Variants in EXOC3 observed in about 807,000 individuals in gnomAD.
The protein encoded by EXOC3 is exocyst complex component 3.
A neutral mutation model predicts 73.7 loss-of-function variants in EXOC3; 21 were observed. The observed-to-expected ratio is 0.29, with a 90% confidence interval of 0.20 to 0.41. The LOEUF (loss-of-function observed/expected upper bound fraction) is 0.41. EXOC3 is among the 10% of genes least tolerant of loss of function. The pLI, the probability that EXOC3 is intolerant of heterozygous loss-of-function variation, is 1.00. For synonymous variants in EXOC3, 410 were observed against 389.1 expected (o/e 1.05, Z -0.63); for missense variants, 842 against 985.1 (o/e 0.85, Z 1.95).
At position 465,724 on chromosome 5, in the gene EXOC3, G is replaced by A. The variant is rs934261359; in HGVS notation, c.1945G>A (p.Gly649Arg). ...FLFRKLASGF[G>R]EDVDGYCDTI... ...CATTGCTGCTGCCTTCCAGGGTTTC[G>A]GGGAAGACGTGGACGGATACTGCGA... is the stretch of plus-strand genomic sequence containing the variant. The change falls in exon 12 of 13, where the codon GGG (glycine) becomes AGG (arginine). Residue 649 changes from glycine (G) to arginine (R), a missense_variant. Physicochemically the swap from Gly to Arg is moderately radical, Grantham distance 125. Transcript: ENST00000512944. 43 of 1,613,694 alleles carry A rather than the reference G, an allele frequency of 2.7e-5. No homozygotes were observed. The highest frequency in any genetic ancestry group is 6.6e-5 in the South Asian group (6 of 91,070).
At chr5:463,886 A>G (rs1738058297) in intron 9 of EXOC3, among the ~76,000 whole-genome samples, 1 of 152,280 alleles carries the variant, frequency 6.6e-6, no homozygotes, top group Non-Finnish European at 1.5e-5. Context: ...GTATACATGC[A>G]CAGATATTTC....
intron 4 of EXOC3, among the ~76,000 whole-genome samples, chr5:455,673 G>A (rs887013541): frequency 6.6e-6 from 1 of 152,072 alleles, no homozygotes; most frequent in Non-Finnish European, 1.5e-5. Flanking sequence ...TTTAATTTTT[G>A]TGGGTACATA....
chr5:466,428 G>A (rs996382233), intron 12 of EXOC3: 5 of 370,136 alleles, frequency 1.4e-5, no homozygotes, highest in East Asian at 8.9e-5. Flanking sequence ...CCATCATCTC[G>A]CTGGTTAAAC....
At chr5:466,626 CT>C (rs1167988551) in intron 12 of EXOC3, 100 bp from the exon 13 acceptor site, 1 of 1,212,856 alleles carries the variant, frequency 8.2e-7, no homozygotes, top group Non-Finnish European at 1.1e-6. Flanking sequence ...TCCTCACCCC[CT>C]GTGTTCTGTC....
chr5:460,534 C>T (rs1163390275), intron 7 of EXOC3, among the ~76,000 whole-genome samples: 1 of 152,182 alleles, frequency 6.6e-6, no homozygotes, highest in African/African-American at 2.4e-5. Flanking sequence ...CCCCACTGGC[C>T]GCCCATCCAC....
intron 10 of EXOC3, chr5:464,782 C>T (rs934262855): frequency 1.6e-5 from 7 of 442,770 alleles, no homozygotes; most frequent in Non-Finnish European, 2.5e-5. Context: ...CCGCGTTTTC[C>T]AGATGCTGCG....
Position 462,258 on chromosome 5 carries a change from C to G in EXOC3, c.1604C>G (p.Ala535Gly). The G allele has an allele frequency of 1.2e-6, 2 of 1,613,958 alleles. No homozygotes were observed. Among genetic ancestry groups the G allele is most frequent in the Non-Finnish European group, 1.7e-6 (2 of 1,179,894 alleles). Residue 535 changes from alanine (A) to glycine (G), a missense_variant, in exon 9 of 13, where the codon GCG (alanine) becomes GGG (glycine). Transcript: ENST00000512944. The part of the protein sequence containing the change: ...PSMDGILDAI[A>G]KEGCSGLLEE... ...ATGGACGGGATTTTAGACGCCATCG[C>G]GAAGGAGGGCTGCAGCGGTTTGCTG...
chr5:451,705 G>A (rs550491721), intron 3 of EXOC3, among the ~76,000 whole-genome samples: 12 of 152,304 alleles, frequency 7.9e-5, no homozygotes, highest in African/African-American at 2.6e-4. Context: ...TTCTCAACCA[G>A]TGGGACTCTA....
At position 446,302 on chromosome 5, in the gene EXOC3, C is replaced by T. The variant is rs555469211; in HGVS notation, c.97C>T (p.Arg33Cys). The T allele has an allele frequency of 3.7e-6, 6 of 1,613,734 alleles. No individual in the cohort carries two copies. Among genetic ancestry groups the T allele is most frequent in the African/African-American group, 2.7e-5 (2 of 75,034 alleles). ...PDQLDKVEQY[R>C]RREARKKASV... ...CCAGCTGGACAAGGTGGAGCAGTAT[C>T]GCAGGAGAGAAGCGCGGAAGAAGGC... The change falls in exon 2 of 13, where the codon CGC becomes TGC. Residue 33 changes from arginine to cysteine, a missense_variant. Coordinates refer to ENST00000512944, the MANE Select transcript of EXOC3 (RefSeq NM_007277.5).
rs543809935 is a variant in EXOC3 at position 452,781 on chromosome 5, C to T, written c.365-589C>T. Reference sequence around the variant, plus strand: ...ATGCCTTTGCCTGGGCATGCATTGGCCACTTCCGAATTTTTCCTATAAATG... The same window carrying T: ...ATGCCTTTGCCTGGGCATGCATTGGTCACTTCCGAATTTTTCCTATAAATG... On this transcript the variant is annotated intron_variant, in intron 3 of 12. Transcript: ENST00000512944. Among the ~76,000 whole-genome samples, 7 of 152,350 alleles carry T rather than the reference C, an allele frequency of 4.6e-5. No individual in the cohort carries two copies. In the South Asian group the frequency reaches 1.5e-3, roughly 32 times the overall value.
In EXOC3 at chr5:450,074, C is replaced by T. The variant is rs1425365169; in HGVS notation, c.364+2322C>T. 5.9e-5 allele frequency among the ~76,000 whole-genome samples: 9 copies of T among 152,192 alleles called. No individual in the cohort carries two copies. In the East Asian group the frequency reaches 1.4e-3, roughly 23 times the overall value. On this transcript the variant is annotated intron_variant, in intron 3 of 12. Coordinates refer to ENST00000512944, the MANE Select transcript of EXOC3 (RefSeq NM_007277.5). ...CAGCCCGGCCAACATGGTGAAACCC[C>T]GTCTCTACTAAAAATATAAAAATTA...
Position 464,885 on chromosome 5 carries a change from C to T in EXOC3, c.1777-226C>T. ...CACTGCCTCGCCCGCGTCTGTCCTGCTGGGGGCCGGAGCTGGCCTGGTGCG... is the reference window on the plus strand; with the variant it reads ...CACTGCCTCGCCCGCGTCTGTCCTGTTGGGGGCCGGAGCTGGCCTGGTGCG... On this transcript the variant is annotated intron_variant, in intron 10 of 12. Transcript: ENST00000512944. The T allele has an allele frequency of 1.2e-5, 7 of 582,928 alleles. No homozygotes were observed. The South Asian group carries it at 1.5e-4, about 12-fold the overall frequency. The allele number at this position is 582,928 out of a possible 1,614,324, so 36.1% of individuals were successfully genotyped here.
At chr5:447,325 T>TTAAA in intron 2 of EXOC3, 1 of 551,322 alleles carries the variant, frequency 1.8e-6, no homozygotes, top group South Asian at 2.3e-5. Context: ...AATGCATCAT[T>TTAAA]GTTCTGTTCC....
rs1737869867 is a variant in EXOC3 at position 457,962 on chromosome 5, G to A, written c.1227G>A (p.Glu409=). The A allele has an allele frequency of 6.2e-7, 1 of 1,612,346 alleles. No individual in the cohort carries two copies. Among genetic ancestry groups the A allele is most frequent in the African/African-American group, 1.3e-5 (1 of 74,894 alleles). The change falls in exon 6 of 13, where the codon GAG becomes GAA. Residue 409 remains glutamate, a synonymous_variant. Coordinates refer to ENST00000512944, the MANE Select transcript of EXOC3 (RefSeq NM_007277.5). ...LETDKKDWVK[E]TEPEADQDGY... ...CAGACAAGAAAGACTGGGTCAAAGA[G>A]ACAGAGCCAGAAGCCGACCAGGACG... is the stretch of plus-strand genomic sequence containing the variant.
In EXOC3 at chr5:453,626, C is replaced by T. The variant is rs3822755; in HGVS notation, c.621C>T (p.Thr207=). ...TGGTCACTGTCCGCCGTGACCCCACCTTGCTGGTCTCAGTTGTCAGGATCA... is the reference window on the plus strand; with the variant it reads ...TGGTCACTGTCCGCCGTGACCCCACTTTGCTGGTCTCAGTTGTCAGGATCA... The part of the protein sequence containing the change: ...RSLVTVRRDP[T]LLVSVVRIIE... Residue 207 remains threonine (T), a synonymous_variant, in exon 4 of 13, where the codon ACC becomes ACT. Coordinates refer to ENST00000512944, the MANE Select transcript of EXOC3 (RefSeq NM_007277.5). 341 of 1,614,000 alleles carry T rather than the reference C, an allele frequency of 2.1e-4. 3 individuals are homozygous for T. The East Asian group carries it at 7.5e-3, about 36-fold the overall frequency.
chr5:448,858 G>A lies in EXOC3; in HGVS notation c.364+1106G>A, dbSNP rs150825675. On this transcript the variant is annotated intron_variant, in intron 3 of 12. Coordinates refer to ENST00000512944, the MANE Select transcript of EXOC3 (RefSeq NM_007277.5). ...GATCCGTAGGGTCACATGTGTGGCT[G>A]CAGTCCGTGTCTCTTTGTGCATGCC... Among the ~76,000 whole-genome samples the A allele has an allele frequency of 1.7e-4, 26 of 152,348 alleles. No homozygotes were observed. In the East Asian group the frequency reaches 4.8e-3, roughly 28 times the overall value.
chr5:450,011 T>C (rs574608279), intron 3 of EXOC3, among the ~76,000 whole-genome samples: 1 of 152,344 alleles, frequency 6.6e-6, no homozygotes, highest in Admixed American at 6.5e-5. Flanking sequence ...TTTGGAAGGC[T>C]GAGGCAGGCG....
chr5:461,896 G>A (rs1737996594), intron 7 of EXOC3, 64 bp from the exon 8 acceptor site: 21 of 1,131,600 alleles, frequency 1.9e-5, no homozygotes, highest in South Asian at 8.0e-5. Context: ...TGACGTCAGC[G>A]TGGCATTTGA....
Position 447,670 on chromosome 5 carries a change from G to C in EXOC3, c.282G>C (p.Glu94Asp). 6.3e-7 allele frequency: 1 copy of C among 1,589,994 alleles called. No homozygotes were observed. Among genetic ancestry groups the C allele is most frequent in the Admixed American group, 1.8e-5 (1 of 56,568 alleles). Residue 94 changes from glutamate to aspartate, a missense_variant, in exon 3 of 13, where the codon GAG becomes GAC. Physicochemically the swap from Glu to Asp is conservative, Grantham distance 45. Transcript: ENST00000512944. ...GGAGGCAGAGCATCAACACCATTGA[G>C]AGCCTCAAGGACGTCAAAGACGCCG... ...KDWRQSINTI[E>D]SLKDVKDAVV...
Sources: allele counts gnomAD v4.1 joint callset (sites outside exome capture counted in the v4.1 genomes callset), GRCh38; gene constraint gnomAD v4.1.1; transcripts MANE v1.5; gene names NCBI Gene and HGNC (gene_info 2026-07-23, HGNC 2026-07-21).